Variants in MGRN1 observed in about 807,000 individuals in gnomAD.
MGRN1 encodes the protein E3 ubiquitin-protein ligase MGRN1.
Under a neutral mutation model 69.2 loss-of-function variants are expected in MGRN1, and 29 were observed. That is an observed-to-expected ratio of 0.42 (90% CI 0.31 to 0.57). The LOEUF (loss-of-function observed/expected upper bound fraction) is 0.57, where lower values mean the gene tolerates loss of function less well. Ranked by LOEUF, MGRN1 falls within the 20% of genes least tolerant of loss-of-function variation. The pLI is 0.15. For missense variants in MGRN1, 998 were observed against 796.2 expected, an observed-to-expected ratio of 1.25 and a Z score of -3.05; for synonymous variants, 470 against 344.2, an observed-to-expected ratio of 1.37 and a Z score of -4.04.
intron 10 of MGRN1, 168 bp from the exon 11 acceptor site, chr16:4,677,295 T>C (rs2079073603): frequency 1.1e-5 from 5 of 451,220 alleles, no homozygotes; most frequent in Non-Finnish European, 2.0e-5. Context: ...CCTATTAAAT[T>C]CCTGCTCCTT....
At chr16:4,650,606 T>G in intron 2 of MGRN1, 123 bp downstream of exon 2, 5 of 745,092 alleles carry the variant, frequency 6.7e-6, no homozygotes, top group Non-Finnish European at 8.7e-6. Context: ...GCAGAGCTCC[T>G]GGCAGGATTC....
At position 4,624,924 on chromosome 16, in the gene MGRN1, C is replaced by G. The variant is rs756901325; in HGVS notation, c.-37C>G. ...CCCCGCCGCTGTCGCCGCTCCCGTT[C>G]CGGCCCTGGCCCCTCTGCCCGGCAG... On this transcript the variant is annotated 5_prime_UTR_variant, in exon 1 of 17. Transcript: ENST00000262370. The G allele has an allele frequency of 1.3e-6, 2 of 1,495,412 alleles. No individual in the cohort carries two copies. The highest frequency in any genetic ancestry group is 1.8e-6 in the Non-Finnish European group (2 of 1,119,952). The allele number at this position is 1,495,412 out of a possible 1,614,324, so 92.6% of individuals were successfully genotyped here. A position where few individuals can be genotyped will look rare whatever the true frequency, so the allele number is the denominator to read the frequency against.
In MGRN1 at chr16:4,664,476, C is replaced by T. The variant is rs748496095; in HGVS notation, c.562-233C>T. 6.9e-5 allele frequency: 40 copies of T among 582,194 alleles called. 1 individual carries two copies. The highest frequency in any genetic ancestry group is 6.2e-5 in the Non-Finnish European group (20 of 325,074). The allele number at this position is 582,194 out of a possible 1,614,324, so 36.1% of individuals were successfully genotyped here. Reference sequence around the variant, plus strand: ...GACATTATAGATGTACTTTACTCAACGCTGTTGAAACGTAGTTAAAATGGC... The same window carrying T: ...GACATTATAGATGTACTTTACTCAATGCTGTTGAAACGTAGTTAAAATGGC... On this transcript the variant is annotated intron_variant, in intron 5 of 16. Transcript: ENST00000262370.
Position 4,689,282 on chromosome 16 carries a change from GAA to G in MGRN1, c.*375_*376del, listed in dbSNP as rs2079405751. ...GCCCGGAGAACTCAGGAGGCCTGCA[GAA>G]GAGAACTGATTGGTGGTCGAAGCAC... On this transcript the variant is annotated 3_prime_UTR_variant, in exon 17 of 17. Transcript: ENST00000262370. 5.0e-6 allele frequency: 1 copy of G among 201,080 alleles called. No individual in the cohort carries two copies. The highest frequency in any genetic ancestry group is 1.0e-5 in the Non-Finnish European group (1 of 100,250). The allele number at this position is 201,080 out of a possible 1,614,324, so 12.5% of individuals were successfully genotyped here. A position where few individuals can be genotyped will look rare whatever the true frequency, so the allele number is the denominator to read the frequency against.
chr16:4,664,975 C>T, intron 6 of MGRN1, 127 bp from the exon 7 acceptor site: 1 of 1,241,506 alleles, frequency 8.1e-7, no homozygotes. Flanking sequence ...CCAGAACAGG[C>T]TCAGGACTCT....
At chr16:4,673,713 C>G (rs2078991871) in intron 10 of MGRN1, 56 bp downstream of exon 10, 2 of 1,590,322 alleles carry the variant, frequency 1.3e-6, no homozygotes, top group Non-Finnish European at 1.7e-6. Flanking sequence ...GGACTGGCCA[C>G]ACCACGGTGG....
At chr16:4,658,537 GA>G (rs559417564) in intron 5 of MGRN1, among the ~76,000 whole-genome samples, 312 of 115,752 alleles carry the variant, frequency 2.7e-3, no homozygotes, top group Non-Finnish European at 3.9e-3. Context: ...TTCCGTCTCA[GA>G]AAAAAAAAAA....
intron 10 of MGRN1, 93 bp from the exon 11 acceptor site, chr16:4,677,370 G>A (rs956373679): frequency 2.1e-5 from 20 of 957,328 alleles, no homozygotes; most frequent in East Asian, 2.9e-5. Flanking sequence ...GACCCCTATG[G>A]TGTGGGGGGG....
intron 5 of MGRN1, among the ~76,000 whole-genome samples, chr16:4,662,032 T>A (rs1228505419): frequency 6.6e-6 from 1 of 152,160 alleles, no homozygotes; most frequent in Non-Finnish European, 1.5e-5. Flanking sequence ...TTGCCGTGTG[T>A]CCATGTCCAC....
chr16:4,682,590 C>T (rs2079213467), intron 13 of MGRN1, among the ~76,000 whole-genome samples: 1 of 150,276 alleles, frequency 6.7e-6, no homozygotes, highest in Admixed American at 6.6e-5. Flanking sequence ...AAGGCTAGGC[C>T]CGTGCCAGTG....
In MGRN1 at chr16:4,681,588, G is replaced by C; in HGVS notation, c.1170G>C (p.Ser390=). The change falls in exon 13 of 17, where the codon TCG becomes TCC. Residue 390 remains serine, a synonymous_variant. Coordinates refer to ENST00000262370, the MANE Select transcript of MGRN1 (RefSeq NM_015246.4). ...DSVPPGYEPI[S]LLEALNGLRA... ...TCCCACCTGGCTACGAGCCCATCTC[G>C]CTGCTCGAGGCGCTCAACGGCCTCC... 1.2e-6 allele frequency: 2 copies of C among 1,613,494 alleles called. No individual in the cohort carries two copies. Among genetic ancestry groups the C allele is most frequent in the Non-Finnish European group, 8.5e-7 (1 of 1,179,960 alleles).
chr16:4,652,735 C>T lies in MGRN1; in HGVS notation c.354C>T (p.Tyr118=), dbSNP rs2078436480. The T allele has an allele frequency of 1.2e-6, 2 of 1,613,254 alleles. No individual in the cohort carries two copies. The highest frequency in any genetic ancestry group is 2.2e-5 in the East Asian group (1 of 44,820). The change falls in exon 4 of 17, where the codon TAC becomes TAT. Residue 118 remains tyrosine (Y), a synonymous_variant. Coordinates refer to ENST00000262370, the MANE Select transcript of MGRN1 (RefSeq NM_015246.4). The stretch of plus-strand genomic sequence containing the variant: ...ACGGCGACAAGCCCCGGGTGCTCTA[C>T]AGCCTGGAGTTCACCTTCGACGCCG... The part of the protein sequence containing the change: ...TEDGDKPRVL[Y]SLEFTFDADA...
In MGRN1 at chr16:4,689,537, C is replaced by G. The variant is rs2079410606; in HGVS notation, c.*629C>G. ...GTGCCGCCCTGGGCAGCTAGAGTGT[C>G]TCAGCCCGGTGCTGGGCCTGGCCGA... On this transcript the variant is annotated 3_prime_UTR_variant, in exon 17 of 17. Transcript: ENST00000262370. 1 of 152,554 alleles carries G rather than the reference C, an allele frequency of 6.6e-6. No individual in the cohort carries two copies. Among genetic ancestry groups the G allele is most frequent in the South Asian group, 2.1e-4 (1 of 4,842 alleles). 9.5% of individuals were successfully genotyped at this position (152,554 alleles called of 1,614,324 possible).
chr16:4,682,899 C>T lies in MGRN1; in HGVS notation c.1435C>T (p.Pro479Ser), dbSNP rs765557279. 5.0e-6 allele frequency: 8 copies of T among 1,609,328 alleles called. No individual in the cohort carries two copies. The highest frequency in any genetic ancestry group is 1.1e-5 in the South Asian group (1 of 90,712). Residue 479 changes from proline (P) to serine (S), a missense_variant, in exon 14 of 17, where the codon CCA (proline) becomes TCA (serine). By Grantham distance (74) the Pro-to-Ser change is moderately conservative. Transcript: ENST00000262370. ...KLSEDVDAPP[P>S]LGGAELALRE... ...CTCCGAGGACGTGGACGCCCCTCCC[C>T]CACTGGGTGGCGCAGAGCTGGCCCT...
chr16:4,665,284 G>A, intron 7 of MGRN1, 133 bp downstream of exon 7: 1 of 902,318 alleles, frequency 1.1e-6, no homozygotes, highest in East Asian at 2.6e-5. Flanking sequence ...GGGGCAGGTT[G>A]GGGCGTGTCT....
chr16:4,637,118 C>CAAAAAAAAA (rs36033548), intron 1 of MGRN1, among the ~76,000 whole-genome samples: 1 of 48,488 alleles, frequency 2.1e-5, no homozygotes, highest in Non-Finnish European at 4.1e-5. Flanking sequence ...GACTCCATCT[C>CAAAAAAAAA]AAAAAAAAAA....
chr16:4,688,872 C>T lies in MGRN1; in HGVS notation c.1695C>T (p.Ser565=). ...CCTGGCCTCCACTTGGTGGCCCCAGCCCCGATCCCAGCGCCGCCGAGCTGA... is the reference window on the plus strand; with the variant it reads ...CCTGGCCTCCACTTGGTGGCCCCAGTCCCGATCCCAGCGCCGCCGAGCTGA... The part of the protein sequence containing the change: ...SPTWPPLGGP[S]PDPSAAELTP... The change falls in exon 17 of 17, where the codon AGC becomes AGT. Residue 565 remains serine, a synonymous_variant. Transcript: ENST00000262370. The T allele has an allele frequency of 6.4e-7, 1 of 1,553,742 alleles. No homozygotes were observed. The highest frequency in any genetic ancestry group is 8.7e-7 in the Non-Finnish European group (1 of 1,148,216).
At chr16:4,653,724 A>G (rs2078459454) in intron 4 of MGRN1, among the ~76,000 whole-genome samples, 1 of 151,038 alleles carries the variant, frequency 6.6e-6, no homozygotes, top group Non-Finnish European at 1.5e-5. Flanking sequence ...TCTTGACCTC[A>G]TGATCTGTCC....
chr16:4,677,819 C>T (rs1346002676), intron 11 of MGRN1, among the ~76,000 whole-genome samples: 1 of 140,016 alleles, frequency 7.1e-6, no homozygotes, highest in Non-Finnish European at 1.5e-5. Context: ...CGGTCGAGGT[C>T]TCGGTGGAGC....
Sources: gnomAD v4.1 joint callset for allele counts (sites outside exome capture counted in the v4.1 genomes callset) on GRCh38, gnomAD v4.1.1 for gene constraint, MANE v1.5 for transcripts, NCBI Gene and HGNC (gene_info 2026-07-23, HGNC 2026-07-21) for gene names.